Variants in HK1 observed in about 807,000 individuals in gnomAD.
HK1 encodes hexokinase 1, also known as hexokinase-1.
HK1 carries 28 observed loss-of-function variants against 91.6 expected under a neutral mutation model. That is an observed-to-expected ratio of 0.31 (90% CI 0.23 to 0.42). The LOEUF (loss-of-function observed/expected upper bound fraction) is 0.42. HK1 is among the 10% of genes least tolerant of loss of function. HK1 has a pLI of 1.00. For synonymous variants in HK1, 430 were observed against 468.1 expected (o/e 0.92, Z 1.05); for missense variants, 770 against 1,219.8 (o/e 0.63, Z 5.49).
chr10:69,307,710 T>TA (rs1309909113), intron 5 of HK1, among the ~76,000 whole-genome samples: 2 of 152,216 alleles, frequency 1.3e-5, no homozygotes, highest in Non-Finnish European at 2.9e-5. Context: ...AATCAGTCAA[T>TA]AAATAAGTAA....
chr10:69,284,716 G>T (rs1844933313), intron 2 of HK1, among the ~76,000 whole-genome samples: 1 of 152,196 alleles, frequency 6.6e-6, no homozygotes, highest in African/African-American at 2.4e-5. Context: ...TCGGCTTACT[G>T]CAACCTCCGC....
intron 2 of HK1, among the ~76,000 whole-genome samples, chr10:69,358,160 G>A (rs942864817): frequency 4.6e-5 from 7 of 152,164 alleles, no homozygotes; most frequent in Admixed American, 1.3e-4. Context: ...CACCCCTGGC[G>A]TGGTAGATAT....
At chr10:69,371,880 A>G (rs527310727) in intron 7 of HK1, among the ~76,000 whole-genome samples, 1 of 152,320 alleles carries the variant, frequency 6.6e-6, no homozygotes, top group South Asian at 2.1e-4. Context: ...AAATGGGGGT[A>G]CAGATGAGAA....
intron 17 of HK1, among the ~76,000 whole-genome samples, chr10:69,400,671 G>A (rs1840346313): frequency 6.6e-6 from 1 of 152,210 alleles, no homozygotes; most frequent in Non-Finnish European, 1.5e-5. Context: ...GAGCAGTTGT[G>A]TTTGGATTCG....
chr10:69,272,585 C>A (rs539771656), intron 1 of HK1, among the ~76,000 whole-genome samples: 1 of 151,670 alleles, frequency 6.6e-6, no homozygotes, highest in South Asian at 2.1e-4. Flanking sequence ...AATGTCATTT[C>A]ATTTTCTTCT....
At chr10:69,368,407 T>A in intron 4 of HK1, 129 bp from the exon 5 acceptor site, 1 of 758,444 alleles carries the variant, frequency 1.3e-6, no homozygotes. Context: ...CCAAGCCCAG[T>A]GTGATCTGGG....
upstream of HK1, among the ~76,000 whole-genome samples, chr10:69,311,591 G>A (rs577661813): frequency 6.6e-6 from 1 of 152,186 alleles, no homozygotes; most frequent in South Asian, 2.1e-4. Context: ...CTGAAGCCTG[G>A]GAAGGCCTCA....
chr10:69,319,939 C>G (rs911411609), intron 1 of HK1, among the ~76,000 whole-genome samples: 1 of 152,174 alleles, frequency 6.6e-6, no homozygotes, highest in Non-Finnish European at 1.5e-5. Context: ...CCCACCCACC[C>G]TGAACGTGGT....
At chr10:69,374,499 A>G (rs969373426) in intron 7 of HK1, among the ~76,000 whole-genome samples, 1 of 152,258 alleles carries the variant, frequency 6.6e-6, no homozygotes, top group African/African-American at 2.4e-5. Context: ...CACAGGTGGC[A>G]TGCCCTGAGA....
Position 69,364,870 on chromosome 10 carries a change from T to C in HK1, c.463T>C (p.Ser155Pro). The change falls in exon 4 of 18, where the codon TCT (serine) becomes CCT (proline). Residue 155 changes from serine (S) to proline (P), a missense_variant. Physicochemically the swap from Ser to Pro is moderately conservative, Grantham distance 74 (BLOSUM62 -1). Coordinates refer to ENST00000359426, the MANE Select transcript of HK1 (RefSeq NM_000188.3). ...DKKLPVGFTFSFPCQQSKIDE... is the reference protein window; with the variant it reads ...DKKLPVGFTFPFPCQQSKIDE... ...GAAGTTACCTGTGGGATTCACGTTT[T>C]CTTTTCCTTGCCAACAATCCAAAAT... is the stretch of plus-strand genomic sequence containing the variant. 6.2e-7 allele frequency: 1 copy of C among 1,614,190 alleles called. No homozygotes were observed. The highest frequency in any genetic ancestry group is 8.5e-7 in the Non-Finnish European group (1 of 1,180,040).
At position 69,318,865 on chromosome 10, in the gene HK1, A is replaced by G; in HGVS notation, c.-83A>G. 2 of 1,501,928 alleles carry G rather than the reference A, an allele frequency of 1.3e-6. No individual in the cohort carries two copies. The highest frequency in any genetic ancestry group is 1.3e-5 in the South Asian group (1 of 78,990). The allele number at this position is 1,501,928 out of a possible 1,614,324, so 93.0% of individuals were successfully genotyped here. On this transcript the variant is annotated 5_prime_UTR_variant, in exon 1 of 18. Coordinates refer to ENST00000359426, the MANE Select transcript of HK1 (RefSeq NM_000188.3). ...GGAGGAGGAGGAGGAGCCGCCGAGC[A>G]GCCGCCGGAGGACCACGGCTCGCCA... is the stretch of plus-strand genomic sequence containing the variant.
chr10:69,366,176 C>T (rs1361140790), intron 4 of HK1, among the ~76,000 whole-genome samples: 1 of 152,146 alleles, frequency 6.6e-6, no homozygotes, highest in Non-Finnish European at 1.5e-5. Context: ...ACATAATCTT[C>T]AAGCATCTCT....
intron 5 of HK1, chr10:69,300,943 AAT>A: frequency 1.3e-6 from 1 of 782,024 alleles, no homozygotes; most frequent in Non-Finnish European, 2.2e-6. Context: ...ATACAAGGTT[AAT>A]ATACATAAAT....
rs778678390 is a variant in HK1, at chr10:69,288,698, G to C, written c.-187G>C. ...GTTCAAGACCCAGCTGTTGAGAGTA[G>C]AAAAGCAGAAGAAAGGACCCGAGGT... On this transcript the variant is annotated 5_prime_UTR_variant, in exon 3 of 22. Coordinates refer to the HK1 transcript ENST00000360289. 45 of 1,603,704 alleles carry C rather than the reference G, an allele frequency of 2.8e-5. 1 individual carries two copies. Among genetic ancestry groups the C allele is most frequent in the Non-Finnish European group, 3.7e-5 (43 of 1,170,600 alleles).
At position 69,384,702 on chromosome 10, in the gene HK1, C is replaced by T. The variant is rs41279660; in HGVS notation, c.1720-94C>T. 500 of 1,540,110 alleles carry T rather than the reference C, an allele frequency of 3.2e-4. 2 individuals carry two copies. The highest frequency in any genetic ancestry group is 4.4e-4 in the Non-Finnish European group (487 of 1,113,758). On this transcript the variant is annotated intron_variant, in intron 11 of 17. Transcript: ENST00000359426. ...TCTGCATGTGTGTGGGGTGTGTTTTCCTACGTGTGTGTGTGTATACACACT... is the reference window on the plus strand; with the variant it reads ...TCTGCATGTGTGTGGGGTGTGTTTTTCTACGTGTGTGTGTGTATACACACT...
At chr10:69,294,016 C>T (rs1010618652) in intron 3 of HK1, among the ~76,000 whole-genome samples, 14 of 151,926 alleles carry the variant, frequency 9.2e-5, no homozygotes, top group Middle Eastern at 3.4e-3. Flanking sequence ...CGCCCACCAC[C>T]ACGCCCGGCT....
chr10:69,293,568 T>C (rs1845394439), intron 3 of HK1, among the ~76,000 whole-genome samples: 2 of 152,226 alleles, frequency 1.3e-5, no homozygotes, highest in African/African-American at 4.8e-5. Context: ...TAATCTCTTA[T>C]TTACCGGCAA....
At chr10:69,322,233 G>C (rs898231096) in intron 1 of HK1, among the ~76,000 whole-genome samples, 2 of 152,176 alleles carry the variant, frequency 1.3e-5, no homozygotes, top group African/African-American at 4.8e-5. Context: ...GATTTTCTCT[G>C]GGCGAGATCC....
chr10:69,397,694 TG>T (rs1840203876), intron 16 of HK1, among the ~76,000 whole-genome samples: 1 of 152,204 alleles, frequency 6.6e-6, no homozygotes, highest in Admixed American at 6.5e-5. Context: ...GTAAAATATA[TG>T]TTACATGGTA....
Sources: gnomAD v4.1 joint callset for allele counts (sites outside exome capture counted in the v4.1 genomes callset) on GRCh38, gnomAD v4.1.1 for gene constraint, MANE v1.5 for transcripts, NCBI Gene and HGNC (gene_info 2026-07-23, HGNC 2026-07-21) for gene names.